SIPA1L3: variants seen among roughly 807,000 people sequenced by gnomAD.
SIPA1L3 encodes the protein signal-induced proliferation-associated 1-like protein 3.
Under a neutral mutation model 150.1 loss-of-function variants are expected in SIPA1L3, and 59 were observed. The observed-to-expected ratio is 0.39, with a 90% CI of 0.32 to 0.49. The LOEUF (loss-of-function observed/expected upper bound fraction) is 0.49. Ranked by LOEUF, SIPA1L3 falls within the 20% of genes least tolerant of loss-of-function variation. The pLI is 0.86. For missense variants in SIPA1L3, 2,211 were observed against 2,489.5 expected (o/e 0.89, Z 2.38); for synonymous variants, 1,070 against 1,077.6 (o/e 0.99, Z 0.14).
intron 3 of SIPA1L3, among the ~76,000 whole-genome samples, chr19:38,084,027 G>C (rs937705461): frequency 1.3e-5 from 2 of 150,204 alleles, no homozygotes; most frequent in Non-Finnish European, 3.0e-5. Flanking sequence ...AGAATTGCTT[G>C]TAACTGCTAG....
intron 1 of SIPA1L3, among the ~76,000 whole-genome samples, chr19:37,947,457 C>T (rs2145543237): frequency 6.6e-6 from 1 of 151,754 alleles, no homozygotes; most frequent in Non-Finnish European, 1.5e-5. Context: ...CCTCTGCACT[C>T]CAGCCTGGGC....
chr19:38,122,503 G>A (rs1243269872), intron 9 of SIPA1L3, among the ~76,000 whole-genome samples: 1 of 152,064 alleles, frequency 6.6e-6, no homozygotes, highest in Non-Finnish European at 1.5e-5. Context: ...ACTTTCGATG[G>A]TGTCCTTTCT....
At chr19:38,196,119 C>T (rs928824560) in intron 18 of SIPA1L3, among the ~76,000 whole-genome samples, 1 of 152,194 alleles carries the variant, frequency 6.6e-6, no homozygotes, top group South Asian at 2.1e-4. Context: ...CAGAGCCCTT[C>T]CCGGGCCCCA....
At chr19:38,030,907 G>A (rs910893286) in intron 2 of SIPA1L3, among the ~76,000 whole-genome samples, 1 of 152,034 alleles carries the variant, frequency 6.6e-6, no homozygotes, top group Non-Finnish European at 1.5e-5. Context: ...GGTGGAAGGG[G>A]GAGGATTGTG....
At chr19:38,119,197 TAAAAC>T in intron 8 of SIPA1L3, 104 bp from the exon 9 acceptor site, 2 of 1,113,776 alleles carry the variant, frequency 1.8e-6, no homozygotes, top group Non-Finnish European at 2.5e-6. Context: ...CCTGTCTCGA[TAAAAC>T]AAACAAACAA....
chr19:38,066,179 A>AT (rs886290721), intron 2 of SIPA1L3, among the ~76,000 whole-genome samples: 6 of 150,794 alleles, frequency 4.0e-5, no homozygotes, highest in Admixed American at 2.0e-4. Flanking sequence ...CACCTGGCAA[A>AT]TTTTAAAAAA....
In SIPA1L3 at chr19:37,982,473, G is replaced by A. The variant is rs144414839; in HGVS notation, c.-378-46616G>A. Among the ~76,000 whole-genome samples the A allele has an allele frequency of 3.9e-3, 587 of 152,276 alleles. 4 individuals are homozygous for A. Among genetic ancestry groups the A allele is most frequent in the African/African-American group, 0.013 (548 of 41,552 alleles). On this transcript the variant is annotated intron_variant, in intron 1 of 21. Transcript: ENST00000222345. ...GCGTTCACCATGTGCTTGGTGTTGC[G>A]GTTACTTGAGTGAACTCATGTAATC...
At chr19:38,062,782 G>A (rs528250305) in intron 2 of SIPA1L3, among the ~76,000 whole-genome samples, 18 of 152,082 alleles carry the variant, frequency 1.2e-4, no homozygotes, top group South Asian at 4.2e-4. Flanking sequence ...CACCACACCC[G>A]GCTAATTTTT....
At chr19:38,072,266 G>A (rs1033568359) in intron 2 of SIPA1L3, among the ~76,000 whole-genome samples, 2 of 152,216 alleles carry the variant, frequency 1.3e-5, no homozygotes, top group African/African-American at 4.8e-5. Context: ...TGTTGAAAGG[G>A]TTAACACATA....
At chr19:38,022,019 A>G (rs987677656) in intron 1 of SIPA1L3, among the ~76,000 whole-genome samples, 8 of 152,206 alleles carry the variant, frequency 5.3e-5, no homozygotes, top group Admixed American at 3.3e-4. Flanking sequence ...TGATGTCTGT[A>G]TATGGAAGGA....
intron 8 of SIPA1L3, among the ~76,000 whole-genome samples, chr19:38,111,616 A>C (rs974791470): frequency 3.9e-5 from 6 of 152,146 alleles, no homozygotes; most frequent in Non-Finnish European, 7.4e-5. Context: ...CGGCTGGGTG[A>C]GGGAAGGGAG....
At chr19:38,127,053 G>A (rs1353752031) in intron 9 of SIPA1L3, among the ~76,000 whole-genome samples, 1 of 152,148 alleles carries the variant, frequency 6.6e-6, no homozygotes, top group Non-Finnish European at 1.5e-5. Flanking sequence ...TTAGCTGGGT[G>A]TGGTGGCGCA....
intron 2 of SIPA1L3, among the ~76,000 whole-genome samples, chr19:38,056,716 G>A (rs1170729000): frequency 6.6e-6 from 1 of 152,114 alleles, no homozygotes; most frequent in African/African-American, 2.4e-5. Flanking sequence ...ATGAAAACTT[G>A]TTTGGTTTTT....
intron 2 of SIPA1L3, among the ~76,000 whole-genome samples, chr19:38,037,772 G>A (rs747227921): frequency 5.3e-5 from 8 of 152,152 alleles, no homozygotes; most frequent in Non-Finnish European, 1.2e-4. Context: ...AATAAGGAGC[G>A]TATGGATTGG....
At chr19:37,964,804 T>G (rs1217497862) in intron 1 of SIPA1L3, 1 of 152,116 alleles carries the variant, frequency 6.6e-6, no homozygotes, top group Non-Finnish European at 1.5e-5. Flanking sequence ...GGCCAGCATT[T>G]AATAGTAATT....
chr19:37,994,404 G>C (rs1010063786), intron 1 of SIPA1L3, among the ~76,000 whole-genome samples: 9 of 152,200 alleles, frequency 5.9e-5, no homozygotes, highest in African/African-American at 2.2e-4. Flanking sequence ...GGAGAAAGGG[G>C]TCAGGGCTGG....
At chr19:37,985,515 G>T (rs1005739464) in intron 1 of SIPA1L3, among the ~76,000 whole-genome samples, 1 of 152,166 alleles carries the variant, frequency 6.6e-6, no homozygotes, top group African/African-American at 2.4e-5. Context: ...AGGAAGGAAA[G>T]AAACTAAACC....
At chr19:38,090,495 G>A (rs578108406) in intron 4 of SIPA1L3, among the ~76,000 whole-genome samples, 48 of 152,352 alleles carry the variant, frequency 3.2e-4, no homozygotes, top group South Asian at 1.4e-3. Context: ...GGCAGGGCCA[G>A]GCACTGTGAT....
At chr19:37,986,772 G>C (rs900210499) in intron 1 of SIPA1L3, among the ~76,000 whole-genome samples, 1 of 152,190 alleles carries the variant, frequency 6.6e-6, no homozygotes, top group Non-Finnish European at 1.5e-5. Flanking sequence ...TAGGTGTGGA[G>C]ACTTTTTTTT....
Sources: gnomAD v4.1 joint callset for allele counts (sites outside exome capture counted in the v4.1 genomes callset) on GRCh38, gnomAD v4.1.1 for gene constraint, MANE v1.5 for transcripts, NCBI Gene and HGNC (gene_info 2026-07-23, HGNC 2026-07-21) for gene names.